The following FMO5 variants were observed in gnomAD, a reference collection of about 807,000 sequenced individuals.
The protein encoded by FMO5 is flavin containing dimethylaniline monoxygenase 5, also known as flavin-containing monooxygenase 5.
FMO5 carries 51 observed loss-of-function variants against 43.6 expected under a neutral mutation model. The ratio of observed to expected loss-of-function variants is 1.17; its 90% CI spans 0.93 to 1.48. The LOEUF is 1.48. Ranked by LOEUF, FMO5 falls within the 40% of genes most tolerant of loss-of-function variation. The probability of loss-of-function intolerance (pLI) is 0.00; values close to 1 mark genes in which losing one functional copy is unlikely to be tolerated. For missense variants in FMO5, 644 were observed against 643.0 expected (o/e 1.00, Z -0.02); for synonymous variants, 187 against 216.5 (o/e 0.86, Z 1.20).
At chr1:147,208,148 G>A (rs1553922838) in intron 6 of FMO5, among the ~76,000 whole-genome samples, 1 of 141,218 alleles carries the variant, frequency 7.1e-6, no homozygotes, top group Non-Finnish European at 1.6e-5. Flanking sequence ...AGAAAGGTGA[G>A]TGTTATTTCT....
chr1:147,224,780 G>A, intron 2 of FMO5, 115 bp downstream of exon 2: 1 of 951,456 alleles, frequency 1.1e-6, no homozygotes, highest in South Asian at 1.4e-5. Flanking sequence ...AAAGTGCTAG[G>A]ATTACAGGCG....
chr1:147,184,308 C>T, downstream of FMO5: 1 of 516,658 alleles, frequency 1.9e-6, no homozygotes, highest in Admixed American at 4.4e-5. The surrounding 1 kb of genome is among the most constrained non-coding windows in gnomAD (Gnocchi z 4.4). Context: ...TCTCATGTAC[C>T]CCACATCCAA....
At chr1:147,218,206 G>T (rs587602195) in intron 2 of FMO5, among the ~76,000 whole-genome samples, 1 of 151,460 alleles carries the variant, frequency 6.6e-6, no homozygotes, top group South Asian at 2.1e-4. Context: ...CAAAATAGAT[G>T]AATGGTTTAG....
At chr1:147,217,689 CTCT>C (rs1227963710) in intron 2 of FMO5, among the ~76,000 whole-genome samples, 2 of 152,192 alleles carry the variant, frequency 1.3e-5, no homozygotes, top group African/African-American at 2.4e-5. Context: ...CCTTTGAAGT[CTCT>C]TCTTCTAATC....
At chr1:147,212,745 G>A (rs1221757965) in intron 4 of FMO5, among the ~76,000 whole-genome samples, 8 of 152,044 alleles carry the variant, frequency 5.3e-5, no homozygotes, top group Non-Finnish European at 8.8e-5. Context: ...CTTGTCATAT[G>A]TACTTTGCTT....
intron 6 of FMO5, among the ~76,000 whole-genome samples, chr1:147,205,720 A>C (rs1173992240): frequency 2.6e-5 from 4 of 152,202 alleles, no homozygotes; most frequent in Non-Finnish European, 5.9e-5. Context: ...CATATGTACA[A>C]AGCTGAAACT....
At position 147,201,366 on chromosome 1, in the gene FMO5, A is replaced by G; in HGVS notation, c.969T>C (p.Ile323=). The G allele has an allele frequency of 1.2e-6, 2 of 1,614,190 alleles. No homozygotes were observed. The highest frequency in any genetic ancestry group is 3.3e-4 in the Middle Eastern group (2 of 6,062). The part of the protein sequence containing the change: ...IFEDGSREDD[I]DAVIFATGYS... Reference sequence around the variant, plus strand: ...AGCCTGTGGCAAAGATAACAGCATCAATGTCATCCTCCCTGGAGCCATCCT... The same window carrying G: ...AGCCTGTGGCAAAGATAACAGCATCGATGTCATCCTCCCTGGAGCCATCCT... Residue 323 remains isoleucine (I), a synonymous_variant, in exon 7 of 9, where the codon ATT becomes ATC. Coordinates refer to ENST00000254090, the MANE Select transcript of FMO5 (RefSeq NM_001461.4).
chr1:147,204,901 A>T, intron 6 of FMO5: 5 of 1,581,620 alleles, frequency 3.2e-6, no homozygotes, highest in Non-Finnish European at 4.3e-6. Context: ...CATCTGGGCG[A>T]AGCCCGGAGC....
At chr1:147,188,038 A>T (rs1171646518) in intron 8 of FMO5, among the ~76,000 whole-genome samples, 1 of 152,194 alleles carries the variant, frequency 6.6e-6, no homozygotes, top group African/African-American at 2.4e-5. Context: ...AATTTGAGGT[A>T]GAACTGGTGA....
At chr1:147,204,737 T>A (rs1659659346) in intron 6 of FMO5, 1 of 1,518,110 alleles carries the variant, frequency 6.6e-7, no homozygotes, top group Admixed American at 1.7e-5. Context: ...GCATCATTTG[T>A]CACAAACAAC....
chr1:147,223,848 C>A, intron 2 of FMO5: 1 of 303,396 alleles, frequency 3.3e-6, no homozygotes, highest in Non-Finnish European at 6.3e-6. Flanking sequence ...CTTACGCGGG[C>A]CCACAAGCAC....
intron 2 of FMO5, among the ~76,000 whole-genome samples, chr1:147,224,662 A>G (rs1443423018): frequency 1.3e-5 from 2 of 151,916 alleles, no homozygotes; most frequent in Non-Finnish European, 2.9e-5. Context: ...TGCACCCGCC[A>G]CCACGCCCGG....
At chr1:147,194,214 A>G (rs1657494270) in intron 7 of FMO5, among the ~76,000 whole-genome samples, 1 of 152,180 alleles carries the variant, frequency 6.6e-6, no homozygotes, top group Non-Finnish European at 1.5e-5. Flanking sequence ...ATATATATTT[A>G]GGATAGTTAG....
intron 2 of FMO5, 147 bp from the exon 3 acceptor site, chr1:147,216,089 T>C (rs1553925023): frequency 3.4e-6 from 2 of 592,296 alleles, no homozygotes; most frequent in African/African-American, 3.8e-5. Flanking sequence ...ATGTAGTCCC[T>C]TCCCCTTGAA....
chr1:147,206,371 A>ATCT (rs1660048319), intron 6 of FMO5, among the ~76,000 whole-genome samples: 4 of 150,050 alleles, frequency 2.7e-5, no homozygotes, highest in Non-Finnish European at 4.5e-5. Context: ...ATTCCTCAAA[A>ATCT]AGAACTAGAA....
intron 6 of FMO5, 95 bp downstream of exon 6, chr1:147,208,757 G>T: frequency 3.9e-6 from 4 of 1,016,744 alleles, no homozygotes; most frequent in Non-Finnish European, 4.5e-6. Context: ...TTTTCTTAAT[G>T]TATGGGTAGA....
intron 8 of FMO5, among the ~76,000 whole-genome samples, chr1:147,189,864 T>TA (rs782146385): frequency 3.3e-5 from 5 of 152,200 alleles, no homozygotes; most frequent in Non-Finnish European, 5.9e-5. Context: ...TACTAGCACT[T>TA]CAAGTAATCC....
Position 147,201,602 on chromosome 1 carries a change from A to G in FMO5, c.831-98T>C, listed in dbSNP as rs1474615673. ...CTTTGGTGGAGGTAAACAGGATGCCAATAATCTTCCCCTTGGTCTATGCAT... is the reference window on the plus strand; with the variant it reads ...CTTTGGTGGAGGTAAACAGGATGCCGATAATCTTCCCCTTGGTCTATGCAT... On this transcript the variant is annotated intron_variant, in intron 6 of 8. Transcript: ENST00000254090. 13 of 805,432 alleles carry G rather than the reference A, an allele frequency of 1.6e-5. No homozygotes were observed. The East Asian group carries it at 3.2e-4, about 20-fold the overall frequency. 49.9% of individuals were successfully genotyped at this position (805,432 alleles called of 1,614,324 possible).
chr1:147,204,788 G>C, intron 6 of FMO5: 1 of 1,586,148 alleles, frequency 6.3e-7, no homozygotes, highest in Admixed American at 1.7e-5. Context: ...ATTCCATTTC[G>C]TCCATATGCT....
Sources: allele counts gnomAD v4.1 joint callset (sites outside exome capture counted in the v4.1 genomes callset), GRCh38; gene constraint gnomAD v4.1.1; non-coding constraint Gnocchi (gnomAD v3.1); transcripts MANE v1.5; gene names NCBI Gene and HGNC (gene_info 2026-07-23, HGNC 2026-07-21).